NCK1: variants seen among roughly 807,000 people sequenced by gnomAD.
The protein encoded by NCK1 is SH2/SH3 adapter protein NCK1.
Under a neutral mutation model 36.6 loss-of-function variants are expected in NCK1, and 19 were observed. That is an observed-to-expected ratio of 0.52 (90% CI 0.36 to 0.76). The LOEUF (loss-of-function observed/expected upper bound fraction) is 0.76. Among genes scored for constraint, NCK1 ranks in the 30% least tolerant of loss-of-function variants. The probability of loss-of-function intolerance (pLI) is 0.00; values close to 1 mark genes in which losing one functional copy is unlikely to be tolerated. For synonymous variants in NCK1, 165 were observed against 156.0 expected, an observed-to-expected ratio of 1.06 and a Z score of -0.43; for missense variants, 358 against 445.6, an observed-to-expected ratio of 0.80 and a Z score of 1.77.
At chr3:136,943,968 CAGTA>C (rs1262365708) in intron 2 of NCK1, among the ~76,000 whole-genome samples, 1 of 151,766 alleles carries the variant, frequency 6.6e-6, no homozygotes, top group African/African-American at 2.4e-5. Context: ...ACTGATTTGA[CAGTA>C]AGGAGAGATG....
At chr3:136,934,528 C>T (rs1403051683) in intron 2 of NCK1, among the ~76,000 whole-genome samples, 7 of 151,942 alleles carry the variant, frequency 4.6e-5, no homozygotes, top group Admixed American at 4.6e-4. Context: ...TCATGTGATC[C>T]ATCCGCCTCA....
chr3:136,910,272 A>G (rs1939799571), intron 1 of NCK1, among the ~76,000 whole-genome samples: 1 of 152,274 alleles, frequency 6.6e-6, no homozygotes, highest in East Asian at 1.9e-4. Flanking sequence ...TGAAGATAAA[A>G]CACTCCAATT....
At chr3:136,915,824 C>T (rs980032343) in intron 1 of NCK1, among the ~76,000 whole-genome samples, 5 of 151,840 alleles carry the variant, frequency 3.3e-5, no homozygotes, top group African/African-American at 1.2e-4. Flanking sequence ...CTCCCAGGTT[C>T]AAGCAATTCT....
In NCK1 at chr3:136,944,137, T is replaced by G. The variant is rs952591510; in HGVS notation, c.227-1446T>G. On this transcript the variant is annotated intron_variant, in intron 2 of 3. Coordinates refer to ENST00000481752, the MANE Select transcript of NCK1 (RefSeq NM_001291999.2). ...CTTTTTTTTTTTTTTTTTTTTTTTTTGAGACAGAGTCTTGCCCTGTCGCCA... is the reference window on the plus strand; with the variant it reads ...CTTTTTTTTTTTTTTTTTTTTTTTTGGAGACAGAGTCTTGCCCTGTCGCCA... Among the ~76,000 whole-genome samples, 6 of 136,828 alleles carry G rather than the reference T, an allele frequency of 4.4e-5. No homozygotes were observed. The East Asian group carries it at 1.2e-3, about 27-fold the overall frequency. 89.8% of individuals were successfully genotyped at this position (136,828 alleles called of 152,430 possible). A position where few individuals can be genotyped will look rare whatever the true frequency, so the allele number is the denominator to read the frequency against.
At chr3:136,873,024 A>G (rs1938671051) in intron 1 of NCK1, among the ~76,000 whole-genome samples, 1 of 152,182 alleles carries the variant, frequency 6.6e-6, no homozygotes. Context: ...CAGAGCCCCC[A>G]CACAGAGTTC....
chr3:136,945,929 G>GT lies in NCK1; in HGVS notation c.575dup (p.Leu192PhefsTer14). On this transcript the variant is annotated frameshift_variant, in exon 3 of 4. Transcript: ENST00000481752. LOFTEE classifies it high-confidence loss of function. Reference sequence around the variant, plus strand: ...TCAATAACCTAAATACTGGGCAAGTGTTGCATGTGGTACAGGCTCTTTACC... The same window carrying GT: ...TCAATAACCTAAATACTGGGCAAGTGTTTGCATGTGGTACAGGCTCTTTACC... 1 of 1,614,068 alleles carries GT rather than the reference G, an allele frequency of 6.2e-7. No individual in the cohort carries two copies. The highest frequency in any genetic ancestry group is 8.5e-7 in the Non-Finnish European group (1 of 1,180,000).
chr3:136,915,660 G>C (rs1192951285), intron 1 of NCK1, among the ~76,000 whole-genome samples: 5 of 152,010 alleles, frequency 3.3e-5, no homozygotes, highest in Non-Finnish European at 5.9e-5. Context: ...GTTTCCTCAG[G>C]CTGTATAGGA....
Position 136,946,144 on chromosome 3 carries a change from C to T in NCK1, c.788C>T (p.Pro263Leu), listed in dbSNP as rs2108153673. ...NPLTSGLEPSPPQCDYIRPSL... is the reference protein window; with the variant it reads ...NPLTSGLEPSLPQCDYIRPSL... ...TTAACTTCAGGTTTGGAACCATCAC[C>T]TCCACAGTGTGATTACATTAGGCCT... The change falls in exon 3 of 4, where the codon CCT becomes CTT. Residue 263 changes from proline (P) to leucine (L), a missense_variant. Coordinates refer to ENST00000481752, the MANE Select transcript of NCK1 (RefSeq NM_001291999.2). The T allele has an allele frequency of 6.2e-7, 1 of 1,613,702 alleles. No homozygotes were observed.
chr3:136,891,456 C>T lies in NCK1; in HGVS notation c.-19+29103C>T, dbSNP rs1468393494. Among the ~76,000 whole-genome samples the T allele has an allele frequency of 5.3e-5, 8 of 152,332 alleles. No homozygotes were observed. In the East Asian group the frequency reaches 9.6e-4, roughly 18 times the overall value. Reference sequence around the variant, plus strand: ...GGCCTGATCATGGACACTTTGGTTGCTTCCACTTTTTGGCTGTTGTGAATA... The same window carrying T: ...GGCCTGATCATGGACACTTTGGTTGTTTCCACTTTTTGGCTGTTGTGAATA... On this transcript the variant is annotated intron_variant, in intron 1 of 3. Transcript: ENST00000481752.
chr3:136,870,747 C>T lies in NCK1; in HGVS notation c.-19+8394C>T, dbSNP rs17300553. 1.3e-3 allele frequency among the ~76,000 whole-genome samples: 184 copies of T among 145,402 alleles called. 1 individual carries two copies. Among genetic ancestry groups the T allele is most frequent in the Admixed American group, 2.7e-3 (39 of 14,422 alleles). ...TGCATGATTTGGCTTTTGTCTACGT[C>T]TCACTTCATCTCTTGCTTTTGTCTC... is the stretch of plus-strand genomic sequence containing the variant. On this transcript the variant is annotated intron_variant, in intron 1 of 3. Transcript: ENST00000481752.
intron 2 of NCK1, among the ~76,000 whole-genome samples, chr3:136,940,974 T>C (rs183219109): frequency 5.3e-5 from 8 of 152,346 alleles, no homozygotes; most frequent in Admixed American, 2.0e-4. Context: ...GTCTTGCAGA[T>C]AACAGTTGCA....
chr3:136,878,401 T>C (rs1938834042), intron 1 of NCK1, among the ~76,000 whole-genome samples: 1 of 152,134 alleles, frequency 6.6e-6, no homozygotes, highest in African/African-American at 2.4e-5. Flanking sequence ...AGAGTGGGAT[T>C]CTGTCTCAAA....
At chr3:136,915,938 C>T (rs571630515) in intron 1 of NCK1, among the ~76,000 whole-genome samples, 1 of 152,246 alleles carries the variant, frequency 6.6e-6, no homozygotes, top group South Asian at 2.1e-4. Flanking sequence ...GTTGGCCATG[C>T]TGGTCTCGAA....
At chr3:136,920,281 A>G (rs1940071877) in intron 1 of NCK1, among the ~76,000 whole-genome samples, 1 of 152,062 alleles carries the variant, frequency 6.6e-6, no homozygotes, top group South Asian at 2.1e-4. Context: ...GTCAAATAAA[A>G]TTCCATCTAA....
At position 136,946,128 on chromosome 3, in the gene NCK1, G is replaced by C. The variant is rs72978714; in HGVS notation, c.772G>C (p.Gly258Arg). 3.6e-3 allele frequency: 5,772 copies of C among 1,613,712 alleles called. 171 individuals are homozygous for C. The African/African-American group carries it at 0.068, about 19-fold the overall frequency. The change falls in exon 3 of 4, where the codon GGT becomes CGT. Residue 258 changes from glycine (G) to arginine (R), a missense_variant. This residue lies in a region of NCK1 where 207 missense variants were observed against 253.4 expected (regional missense o/e 0.82). Transcript: ENST00000481752. Reference sequence around the variant, plus strand: ...TATGCAGAATAATCCATTAACTTCAGGTTTGGAACCATCACCTCCACAGTG... The same window carrying C: ...TATGCAGAATAATCCATTAACTTCACGTTTGGAACCATCACCTCCACAGTG... ...TVMQNNPLTS[G>R]LEPSPPQCDY... is the part of the protein sequence containing the mutation.
chr3:136,899,743 C>G, intron 1 of NCK1: 1 of 1,028,580 alleles, frequency 9.7e-7, no homozygotes, highest in Non-Finnish European at 1.5e-6. Flanking sequence ...CTACTATTGC[C>G]ATGTTTTTCA....
rs944881769 is a variant in NCK1, at chr3:136,949,674, T to A, written c.*1221T>A. ...AGTAAAGTAGCCATCAGTATTTTAA[T>A]TGAAAAATACTAAAGCCACATAACT... On this transcript the variant is annotated 3_prime_UTR_variant, in exon 4 of 4. Transcript: ENST00000481752. The A allele has an allele frequency of 4.6e-5, 7 of 152,006 alleles. No individual in the cohort carries two copies. The South Asian group carries it at 6.2e-4, about 13-fold the overall frequency. 9.4% of individuals were successfully genotyped at this position (152,006 alleles called of 1,614,324 possible). A position where few individuals can be genotyped will look rare whatever the true frequency, so the allele number is the denominator to read the frequency against.
chr3:136,946,349 AAGAG>A (rs542639616), intron 3 of NCK1, 54 bp downstream of exon 3: 226 of 1,462,000 alleles, frequency 1.5e-4, no homozygotes, highest in Admixed American at 3.1e-4. Context: ...TTTTAAAAAA[AAGAG>A]AGAGAGAAAT....
At chr3:136,900,557 A>C (rs1185230145) in intron 1 of NCK1, among the ~76,000 whole-genome samples, 1 of 152,144 alleles carries the variant, frequency 6.6e-6, no homozygotes, top group South Asian at 2.1e-4. Context: ...ATTCTTGAGC[A>C]TGGGATGTCT....
Sources: gnomAD v4.1 joint callset for allele counts (sites outside exome capture counted in the v4.1 genomes callset) on GRCh38, gnomAD v4.1.1 for gene constraint, gnomAD v4.1.1 regional missense constraint, MANE v1.5 for transcripts, NCBI Gene and HGNC (gene_info 2026-07-23, HGNC 2026-07-21) for gene names.